CNTN6: variants seen among roughly 807,000 people sequenced by gnomAD.
The protein encoded by CNTN6 is contactin 6.
In CNTN6, 137 loss-of-function variants were observed where a neutral mutation model predicts 122.8. That is an observed-to-expected ratio of 1.12 (90% CI 0.97 to 1.29). The LOEUF is 1.29. Among genes scored for constraint, CNTN6 ranks in the 50% most tolerant of loss-of-function variants. The probability of loss-of-function intolerance (pLI) is 0.00; values close to 1 mark genes in which losing one functional copy is unlikely to be tolerated. For missense variants in CNTN6, 1,634 were observed against 1,223.4 expected (o/e 1.34, Z -5.01); for synonymous variants, 570 against 426.0 (o/e 1.34, Z -4.16).
intron 1 of CNTN6, among the ~76,000 whole-genome samples, chr3:1,142,384 G>C (rs2092628420): frequency 1.3e-5 from 2 of 152,050 alleles, no homozygotes; most frequent in Non-Finnish European, 2.9e-5. Context: ...GGTGAGAAGA[G>C]GTCGTATAAA....
At chr3:1,325,429 C>T (rs1559827845) in intron 8 of CNTN6, among the ~76,000 whole-genome samples, 1 of 151,858 alleles carries the variant, frequency 6.6e-6, no homozygotes, top group Non-Finnish European at 1.5e-5. Context: ...CAAATATAAT[C>T]AGTGAACTTT....
intron 7 of CNTN6, among the ~76,000 whole-genome samples, chr3:1,320,143 C>A (rs1483007832): frequency 6.6e-6 from 1 of 151,524 alleles, no homozygotes; most frequent in Non-Finnish European, 1.5e-5. Context: ...TGGCAAGTGG[C>A]AAGGCTTTTT....
At chr3:1,356,827 G>T (rs1351272) in intron 12 of CNTN6, among the ~76,000 whole-genome samples, 62,245 of 151,626 alleles carry the variant, frequency 0.41, 15,036 homozygotes, top group African/African-American at 0.66. Flanking sequence ...AAATATATAA[G>T]GAGTTATTAT....
intron 4 of CNTN6, among the ~76,000 whole-genome samples, chr3:1,263,866 T>A (rs1461270799): frequency 6.6e-6 from 1 of 151,538 alleles, no homozygotes; most frequent in Non-Finnish European, 1.5e-5. Context: ...AACTGCTACG[T>A]TAGATTGGTT....
chr3:1,325,705 A>G (rs1051766066), intron 8 of CNTN6, 110 bp from the exon 9 acceptor site: 13 of 1,141,088 alleles, frequency 1.1e-5, no homozygotes, highest in Admixed American at 2.6e-5. Flanking sequence ...GTGCAATCCA[A>G]CTGGACCCAG....
chr3:1,388,264 G>T (rs978408748), intron 20 of CNTN6, among the ~76,000 whole-genome samples: 3 of 148,972 alleles, frequency 2.0e-5, no homozygotes, highest in Non-Finnish European at 4.5e-5. Flanking sequence ...CCTGACCCCC[G>T]AGCAGCCTAA....
intron 1 of CNTN6, among the ~76,000 whole-genome samples, chr3:1,101,280 G>A (rs1429161097): frequency 6.6e-6 from 1 of 152,074 alleles, no homozygotes; most frequent in African/African-American, 2.4e-5. Flanking sequence ...CTTTTTGGGA[G>A]GTTATTCCAA....
chr3:1,268,090 C>T (rs1454541607), intron 4 of CNTN6, among the ~76,000 whole-genome samples: 1 of 152,226 alleles, frequency 6.6e-6, no homozygotes, highest in African/African-American at 2.4e-5. Flanking sequence ...AAGGTTTTGG[C>T]ACTGTCCTCC....
chr3:1,377,712 G>T (rs774591049), intron 17 of CNTN6, among the ~76,000 whole-genome samples: 2 of 152,090 alleles, frequency 1.3e-5, no homozygotes, highest in African/African-American at 4.8e-5. Flanking sequence ...AAGGGAATAC[G>T]TGGTCAGTTC....
chr3:1,390,183 A>G (rs561390203), intron 20 of CNTN6, among the ~76,000 whole-genome samples: 1 of 152,064 alleles, frequency 6.6e-6, no homozygotes, highest in Non-Finnish European at 1.5e-5. Context: ...CAGCAAATGT[A>G]AAAGGACAGA....
rs1045810272 is a variant in CNTN6, at chr3:1,304,914, T to C, written c.761+6923T>C. Among the ~76,000 whole-genome samples the C allele has an allele frequency of 6.2e-5, 9 of 144,958 alleles. No individual in the cohort carries two copies. The South Asian group carries it at 6.5e-4, about 11-fold the overall frequency. Reference sequence around the variant, plus strand: ...GCTGAGGCAGGAGAATTGCTTGAACTCAGAGGGTGGAAGTTGCAGTGAGCT... The same window carrying C: ...GCTGAGGCAGGAGAATTGCTTGAACCCAGAGGGTGGAAGTTGCAGTGAGCT... On this transcript the variant is annotated intron_variant, in intron 7 of 22. Coordinates refer to ENST00000446702, the MANE Select transcript of CNTN6 (RefSeq NM_001289080.2).
At chr3:1,259,453 C>G (rs990119414) in intron 4 of CNTN6, among the ~76,000 whole-genome samples, 34 of 152,054 alleles carry the variant, frequency 2.2e-4, no homozygotes, top group African/African-American at 8.0e-4. Context: ...TGACGTGTCA[C>G]ATATGTTTCA....
rs759225375 is a variant in CNTN6, at chr3:1,402,298, T to A, written c.2818-20T>A. On this transcript the variant is annotated intron_variant, in intron 21 of 22. Coordinates refer to ENST00000446702, the MANE Select transcript of CNTN6 (RefSeq NM_001289080.2). ...GAAAAGCAACATGTCCATGTTAACTTGATACCTCATTTTATTCAGATTCTG... is the reference window on the plus strand; with the variant it reads ...GAAAAGCAACATGTCCATGTTAACTAGATACCTCATTTTATTCAGATTCTG... 2 of 1,595,614 alleles carry A rather than the reference T, an allele frequency of 1.3e-6. No individual in the cohort carries two copies. The highest frequency in any genetic ancestry group is 8.6e-7 in the Non-Finnish European group (1 of 1,168,512).
In CNTN6 at chr3:1,329,917, C is replaced by T; in HGVS notation, c.1346C>T (p.Thr449Ile). 6.4e-7 allele frequency: 1 copy of T among 1,572,498 alleles called. No homozygotes were observed. The highest frequency in any genetic ancestry group is 8.6e-7 in the Non-Finnish European group (1 of 1,164,212). ...AAISWKRGTETLRQSKRIFLL... is the reference protein window; with the variant it reads ...AAISWKRGTEILRQSKRIFLL... ...ATCTCTTGGAAAAGAGGAACGGAGA[C>T]CCTTAGACAAAGCAAAAGGTAAACA... The change falls in exon 11 of 23, where the codon ACC becomes ATC. Residue 449 changes from threonine to isoleucine, a missense_variant. Transcript: ENST00000446702.
intron 12 of CNTN6, among the ~76,000 whole-genome samples, chr3:1,368,159 GT>G (rs1225511475): frequency 7.9e-5 from 12 of 152,116 alleles, no homozygotes; most frequent in African/African-American, 2.9e-4. Context: ...TAATTGATGA[GT>G]TTTGCTTTGT....
At chr3:1,150,107 T>C (rs1348314266) in intron 2 of CNTN6, among the ~76,000 whole-genome samples, 1 of 152,152 alleles carries the variant, frequency 6.6e-6, no homozygotes, top group Non-Finnish European at 1.5e-5. Flanking sequence ...TAAACATTGC[T>C]CCAGAGGTAA....
intron 4 of CNTN6, among the ~76,000 whole-genome samples, chr3:1,241,554 A>T (rs530413011): frequency 1.3e-5 from 2 of 152,288 alleles, no homozygotes; most frequent in East Asian, 3.9e-4. Context: ...AAGGAGGAGA[A>T]AAATGGGTAT....
intron 1 of CNTN6, among the ~76,000 whole-genome samples, chr3:1,108,083 T>G (rs7651002): frequency 0.065 from 9,839 of 152,128 alleles, 424 homozygotes; most frequent in Non-Finnish European, 0.089. Flanking sequence ...CGTTTTCAAT[T>G]TTATTTCTAA....
At position 1,281,170 on chromosome 3, in the gene CNTN6, G is replaced by A. The variant is rs1457289685; in HGVS notation, c.454+2662G>A. Among the ~76,000 whole-genome samples, 5 of 152,148 alleles carry A rather than the reference G, an allele frequency of 3.3e-5. No homozygotes were observed. In the East Asian group the frequency reaches 9.6e-4, roughly 29 times the overall value. On this transcript the variant is annotated intron_variant, in intron 5 of 22. Transcript: ENST00000446702. ...CACTCAGATGAAGAGAATTATACAA[G>A]GGCACGGGTCGTTGAAGGTCATCTT...
Sources: gnomAD v4.1 joint callset for allele counts (sites outside exome capture counted in the v4.1 genomes callset) on GRCh38, gnomAD v4.1.1 for gene constraint, MANE v1.5 for transcripts, NCBI Gene and HGNC (gene_info 2026-07-23, HGNC 2026-07-21) for gene names.